The following TBC1D23 variants were observed in gnomAD, a reference collection of about 807,000 sequenced individuals.
The protein encoded by TBC1D23 is HCV non-structural protein 4A-transactivated protein 1.
A neutral mutation model predicts 91.4 loss-of-function variants in TBC1D23; 55 were observed. That is an observed-to-expected ratio of 0.60 (90% CI 0.48 to 0.75). TBC1D23 has a LOEUF of 0.75. TBC1D23 is among the 30% of genes least tolerant of loss of function. The pLI, the probability that TBC1D23 is intolerant of heterozygous loss-of-function variation, is 0.00. For missense variants in TBC1D23, 725 were observed against 836.1 expected, an observed-to-expected ratio of 0.87 and a Z score of 1.64; for synonymous variants, 289 against 281.0, an observed-to-expected ratio of 1.03 and a Z score of -0.28.
chr3:100,297,602 G>C (rs988368033), intron 8 of TBC1D23, among the ~76,000 whole-genome samples: 1 of 151,780 alleles, frequency 6.6e-6, no homozygotes, highest in Non-Finnish European at 1.5e-5. Flanking sequence ...CCACATATTT[G>C]TTTTTATTAA....
chr3:100,311,310 T>C (rs781704304), intron 14 of TBC1D23, among the ~76,000 whole-genome samples: 19 of 152,220 alleles, frequency 1.2e-4, no homozygotes, highest in Non-Finnish European at 7.4e-5. Context: ...AGGGATTTGT[T>C]GTCTGTCCCT....
intron 13 of TBC1D23, 84 bp from the exon 14 acceptor site, chr3:100,310,319 A>G: frequency 3.3e-6 from 4 of 1,207,016 alleles, no homozygotes; most frequent in Non-Finnish European, 4.7e-6. Flanking sequence ...ATTGCAATTC[A>G]GTCTATAACA....
chr3:100,302,156 T>A lies in TBC1D23; in HGVS notation c.1182T>A (p.Gly394=), dbSNP rs1705445370. ...KQSIESGSIA[G]GEHLCFMGSG... is the part of the protein sequence containing the mutation. ...CCATTGAGTCTGGCTCCATAGCTGGTGGGGAGCACCTCTGTTTTATGGGCA... is the reference window on the plus strand; with the variant it reads ...CCATTGAGTCTGGCTCCATAGCTGGAGGGGAGCACCTCTGTTTTATGGGCA... Residue 394 remains glycine, a synonymous_variant, in exon 11 of 19, where the codon GGT becomes GGA. Coordinates refer to ENST00000394144, the MANE Select transcript of TBC1D23 (RefSeq NM_001199198.3). The A allele has an allele frequency of 6.2e-7, 1 of 1,614,056 alleles. No individual in the cohort carries two copies. The highest frequency in any genetic ancestry group is 2.2e-5 in the East Asian group (1 of 44,868).
intron 1 of TBC1D23, among the ~76,000 whole-genome samples, chr3:100,274,419 G>C (rs546200988): frequency 6.6e-6 from 1 of 152,034 alleles, no homozygotes; most frequent in Non-Finnish European, 1.5e-5. Flanking sequence ...TTAAATTGTG[G>C]TAAAATATAC....
At chr3:100,293,130 C>CTTAT (rs1156576187) in intron 5 of TBC1D23, among the ~76,000 whole-genome samples, 230 of 79,092 alleles carry the variant, frequency 2.9e-3, no homozygotes, top group African/African-American at 0.017. Flanking sequence ...TGTTTGTTTA[C>CTTAT]TTATTTATTT....
chr3:100,325,189 G>T lies in TBC1D23; in HGVS notation c.*1521G>T, dbSNP rs1330343705. 6.6e-6 allele frequency: 1 copy of T among 152,188 alleles called. No homozygotes were observed. The highest frequency in any genetic ancestry group is 2.4e-5 in the African/African-American group (1 of 41,548). The allele number at this position is 152,188 out of a possible 1,614,324, so 9.4% of individuals were successfully genotyped here. A position where few individuals can be genotyped will look rare whatever the true frequency, so the allele number is the denominator to read the frequency against. On this transcript the variant is annotated 3_prime_UTR_variant, in exon 19 of 19. Coordinates refer to ENST00000394144, the MANE Select transcript of TBC1D23 (RefSeq NM_001199198.3). ...ATAATATTAATGTAAAGATGTTTGT[G>T]TTACTGTTTATAAATTACAATTGTA...
intron 15 of TBC1D23, among the ~76,000 whole-genome samples, chr3:100,313,772 G>A (rs888897581): frequency 2.0e-5 from 3 of 152,098 alleles, no homozygotes; most frequent in Admixed American, 6.5e-5. Context: ...TGGCATCAAA[G>A]CATTTTTAGA....
intron 17 of TBC1D23, among the ~76,000 whole-genome samples, chr3:100,319,572 G>A (rs914600501): frequency 6.6e-6 from 1 of 152,064 alleles, no homozygotes; most frequent in Non-Finnish European, 1.5e-5. Flanking sequence ...GGGATTACAG[G>A]CATGCGCCAC....
chr3:100,323,632 G>A lies in TBC1D23; in HGVS notation c.2064G>A (p.Gln688=). The A allele has an allele frequency of 6.5e-7, 1 of 1,537,832 alleles. No homozygotes were observed. The highest frequency in any genetic ancestry group is 2.4e-5 in the East Asian group (1 of 42,002). Residue 688 remains glutamine, a synonymous_variant, in exon 19 of 19, where the codon CAG becomes CAA. Transcript: ENST00000394144. ...GGGATGCAACTAAAGCCATAAAACA[G>A]CAGATCATGAAAGTTTTGGATGCTT... The part of the protein sequence containing the change: ...NAGDATKAIK[Q]QIMKVLDALE...
At chr3:100,278,386 A>AT (rs199688288) in intron 1 of TBC1D23, among the ~76,000 whole-genome samples, 4,080 of 141,466 alleles carry the variant, frequency 0.029, 71 homozygotes, top group African/African-American at 0.036. Context: ...GAATTGATTG[A>AT]TTTTTTTTTT....
intron 1 of TBC1D23, among the ~76,000 whole-genome samples, chr3:100,267,885 T>C (rs1404759958): frequency 6.6e-6 from 1 of 152,206 alleles, no homozygotes; most frequent in Non-Finnish European, 1.5e-5. Context: ...AAAGCAAAGT[T>C]ATGCATTGGG....
At position 100,296,241 on chromosome 3, in the gene TBC1D23, A is replaced by G. The variant is rs1576173443; in HGVS notation, c.842A>G (p.Tyr281Cys). 1 of 1,607,482 alleles carries G rather than the reference A, an allele frequency of 6.2e-7. No homozygotes were observed. Residue 281 changes from tyrosine (Y) to cysteine (C), a missense_variant, in exon 8 of 19, where the codon TAT (tyrosine) becomes TGT (cysteine). Physicochemically the swap from Tyr to Cys is radical, Grantham distance 194. Coordinates refer to ENST00000394144, the MANE Select transcript of TBC1D23 (RefSeq NM_001199198.3). ...GAAGACCTTTTCTCTCTGGCTCAGT[A>G]TTATTGCAGCAAAACACCGGCTTCT... ...DIEDLFSLAQ[Y>C]YCSKTPASFR...
chr3:100,297,613 G>A (rs914034174), intron 8 of TBC1D23, among the ~76,000 whole-genome samples: 5 of 151,744 alleles, frequency 3.3e-5, no homozygotes, highest in African/African-American at 9.7e-5. Flanking sequence ...TTTTTATTAA[G>A]ATATGAAAAA....
At chr3:100,289,045 C>T (rs1455722948) in intron 4 of TBC1D23, among the ~76,000 whole-genome samples, 1 of 152,000 alleles carries the variant, frequency 6.6e-6, no homozygotes, top group Non-Finnish European at 1.5e-5. Flanking sequence ...GAAACCCTGT[C>T]TCTACCAAAA....
At chr3:100,303,447 T>C (rs1705467569) in intron 11 of TBC1D23, among the ~76,000 whole-genome samples, 1 of 152,086 alleles carries the variant, frequency 6.6e-6, no homozygotes, top group African/African-American at 2.4e-5. Context: ...ACCAAACTCA[T>C]TTCATTCATA....
intron 17 of TBC1D23, among the ~76,000 whole-genome samples, chr3:100,319,603 T>A (rs1041235430): frequency 6.6e-6 from 1 of 152,122 alleles, no homozygotes; most frequent in Non-Finnish European, 1.5e-5. Context: ...TAATTTTGTA[T>A]TTTTAGTAGA....
intron 1 of TBC1D23, chr3:100,261,468 G>A (rs963260615): frequency 2.6e-5 from 5 of 194,902 alleles, no homozygotes; most frequent in Non-Finnish European, 5.3e-5. Context: ...GTGAAGAAAA[G>A]ACGTTTTGAA....
At chr3:100,298,823 A>G (rs544438017) in intron 9 of TBC1D23, among the ~76,000 whole-genome samples, 1 of 152,326 alleles carries the variant, frequency 6.6e-6, no homozygotes, top group Non-Finnish European at 1.5e-5. Context: ...ATCCCCCCAC[A>G]CGAAATAGAT....
intron 1 of TBC1D23, among the ~76,000 whole-genome samples, chr3:100,274,000 C>T (rs2067624602): frequency 6.6e-6 from 1 of 151,980 alleles, no homozygotes; most frequent in Non-Finnish European, 1.5e-5. Context: ...ATATATATGT[C>T]TATAAATACA....
Sources: gnomAD v4.1 joint callset for allele counts (sites outside exome capture counted in the v4.1 genomes callset) on GRCh38, gnomAD v4.1.1 for gene constraint, MANE v1.5 for transcripts, NCBI Gene and HGNC (gene_info 2026-07-23, HGNC 2026-07-21) for gene names.